Variants in TCF4 observed in about 807,000 individuals in gnomAD.
The protein encoded by TCF4 is transcription factor 4.
TCF4 carries 3 observed loss-of-function variants against 82.1 expected under a neutral mutation model. The ratio of observed to expected loss-of-function variants is 0.04; its 90% CI spans 0.02 to 0.09. The LOEUF is 0.09. Among genes scored for constraint, TCF4 ranks in the 10% least tolerant of loss-of-function variants. The pLI is 1.00. For missense variants in TCF4, 518 were observed against 852.7 expected (o/e 0.61, Z 4.89); for synonymous variants, 276 against 309.6 (o/e 0.89, Z 1.14).
At chr18:55,378,523 A>G (rs932708073) in intron 6 of TCF4, among the ~76,000 whole-genome samples, 1 of 152,218 alleles carries the variant, frequency 6.6e-6, no homozygotes, top group African/African-American at 2.4e-5. Flanking sequence ...GTCAATTAAT[A>G]GATGAGGAGA....
intron 8 of TCF4, among the ~76,000 whole-genome samples, chr18:55,326,402 A>C (rs1273328): frequency 1.8e-5 from 1 of 55,736 alleles, no homozygotes; most frequent in Non-Finnish European, 3.3e-5. Flanking sequence ...GAGCAGCAGC[A>C]AAAAAAAAAA....
At chr18:55,592,192 T>C (rs1416292964), upstream of TCF4, among the ~76,000 whole-genome samples, 2 of 152,170 alleles carry the variant, frequency 1.3e-5, no homozygotes, top group Admixed American at 1.3e-4. Context: ...ATTTGCAGAC[T>C]CCCTTGCCTA....
chr18:55,523,744 C>T (rs947013945), intron 3 of TCF4, among the ~76,000 whole-genome samples: 2 of 151,736 alleles, frequency 1.3e-5, no homozygotes, highest in African/African-American at 4.8e-5. Flanking sequence ...GAATTTTTGA[C>T]TTTCCCTTTT....
intron 6 of TCF4, among the ~76,000 whole-genome samples, chr18:55,399,880 T>TCTCA (rs1283846701): frequency 3.5e-4 from 22 of 63,464 alleles, no homozygotes; most frequent in Middle Eastern, 0.01. Flanking sequence ...TCTCTCTCTC[T>TCTCA]CACACACACA....
At chr18:55,244,161 T>C (rs1448429833) in intron 15 of TCF4, among the ~76,000 whole-genome samples, 1 of 152,226 alleles carries the variant, frequency 6.6e-6, no homozygotes, top group South Asian at 2.1e-4. Context: ...GACTGGTGGA[T>C]ACCTGACGTG....
At chr18:55,631,630 G>A (rs762172866) in intron 1 of TCF4, among the ~76,000 whole-genome samples, 1 of 152,108 alleles carries the variant, frequency 6.6e-6, no homozygotes, top group Non-Finnish European at 1.5e-5. Flanking sequence ...AAAGCAAAAG[G>A]GAAATTGACG....
chr18:55,501,133 A>G (rs952481881), intron 3 of TCF4, among the ~76,000 whole-genome samples: 3 of 152,208 alleles, frequency 2.0e-5, no homozygotes, highest in Non-Finnish European at 4.4e-5. Flanking sequence ...AGAAATGTAA[A>G]TTCCAAAACA....
Position 55,320,074 on chromosome 18 carries a change from A to G in TCF4, c.549+30285T>C, listed in dbSNP as rs373215427. 1.1e-4 allele frequency among the ~76,000 whole-genome samples: 16 copies of G among 152,306 alleles called. No homozygotes were observed. In the East Asian group the frequency reaches 2.5e-3, roughly 24 times the overall value. On this transcript the variant is annotated intron_variant, in intron 8 of 19. Transcript: ENST00000354452. ...TGGCATCATTCACAAAATTTTCATT[A>G]AAAGTGCTTTAAAATGAAAGGTGCT...
At chr18:55,510,859 T>G (rs150178921) in intron 3 of TCF4, 66 of 874,950 alleles carry the variant, frequency 7.5e-5, no homozygotes, top group Non-Finnish European at 9.1e-5. Context: ...CATTAGAAAT[T>G]TGAACAATAG....
intron 3 of TCF4, among the ~76,000 whole-genome samples, chr18:55,483,580 A>C (rs542015538): frequency 1.3e-5 from 2 of 152,336 alleles, no homozygotes; most frequent in South Asian, 4.1e-4. Flanking sequence ...TGACAGAAAT[A>C]ATCTCTTATA....
intron 5 of TCF4, among the ~76,000 whole-genome samples, chr18:55,460,268 T>G (rs80049948): frequency 6.6e-6 from 1 of 152,086 alleles, no homozygotes; most frequent in Non-Finnish European, 1.5e-5. Flanking sequence ...TTTTTTTTTT[T>G]CAATCAAAAC....
At chr18:55,588,461 A>C, upstream of TCF4, 1 of 1,535,014 alleles carries the variant, frequency 6.5e-7, no homozygotes, top group African/African-American at 1.4e-5. Flanking sequence ...ACGAAAATTC[A>C]TCGAGCACCT....
intron 8 of TCF4, among the ~76,000 whole-genome samples, chr18:55,317,537 G>GA: frequency 6.6e-6 from 1 of 151,382 alleles, no homozygotes; most frequent in East Asian, 1.9e-4. Flanking sequence ...GGTTTGGGGG[G>GA]AAAAAAAAGA....
At chr18:55,422,563 G>A (rs1471767107) in intron 5 of TCF4, 1 of 720,992 alleles carries the variant, frequency 1.4e-6, no homozygotes, top group Non-Finnish European at 1.7e-6. Flanking sequence ...AAATTTAGGG[G>A]GGTGGTTTAA....
intron 8 of TCF4, among the ~76,000 whole-genome samples, chr18:55,317,684 G>A (rs2074486495): frequency 1.3e-5 from 2 of 151,982 alleles, no homozygotes; most frequent in South Asian, 4.1e-4. Context: ...AAAAATTTAG[G>A]TTGCTGACTG....
At chr18:55,485,740 T>G (rs1444585211) in intron 3 of TCF4, among the ~76,000 whole-genome samples, 1 of 152,218 alleles carries the variant, frequency 6.6e-6, no homozygotes, top group African/African-American at 2.4e-5. Flanking sequence ...CTGCAGAATT[T>G]TCCTCATGTA....
intron 3 of TCF4, among the ~76,000 whole-genome samples, chr18:55,571,418 G>A (rs570558453): frequency 1.3e-5 from 2 of 152,134 alleles, no homozygotes; most frequent in Non-Finnish European, 2.9e-5. Context: ...TTTCTCTCTG[G>A]CAGGAAAGAT....
intron 8 of TCF4, among the ~76,000 whole-genome samples, chr18:55,316,038 CAT>C (rs2074046816): frequency 6.6e-6 from 1 of 151,816 alleles, no homozygotes; most frequent in Non-Finnish European, 1.5e-5. Context: ...TGCAATTAAA[CAT>C]ATAAAAACTT....
At chr18:55,563,864 A>G (rs2097376692) in intron 3 of TCF4, among the ~76,000 whole-genome samples, 1 of 152,226 alleles carries the variant, frequency 6.6e-6, no homozygotes, top group Admixed American at 6.5e-5. Flanking sequence ...AATTTTTATG[A>G]CCTTGAAAAT....
Sources: allele counts gnomAD v4.1 joint callset (sites outside exome capture counted in the v4.1 genomes callset), GRCh38; gene constraint gnomAD v4.1.1; transcripts MANE v1.5; gene names NCBI Gene and HGNC (gene_info 2026-07-23, HGNC 2026-07-21).